CCSER1: variants seen among roughly 807,000 people sequenced by gnomAD.
CCSER1 encodes serine-rich coiled-coil domain-containing protein 1.
A neutral mutation model predicts 82.0 loss-of-function variants in CCSER1; 41 were observed. The observed-to-expected ratio is 0.50, with a 90% confidence interval of 0.39 to 0.65. CCSER1 has a LOEUF of 0.65. Among genes scored for constraint, CCSER1 ranks in the 30% least tolerant of loss-of-function variants. CCSER1 has a pLI of 0.00. For synonymous variants in CCSER1, 414 were observed against 383.9 expected (o/e 1.08, Z -0.92); for missense variants, 1,119 against 1,064.2 (o/e 1.05, Z -0.72).
intron 4 of CCSER1, among the ~76,000 whole-genome samples, chr4:90,440,494 A>T (rs1334475963): frequency 2.0e-5 from 3 of 152,248 alleles, no homozygotes; most frequent in Admixed American, 6.5e-5. Flanking sequence ...GGAGGATTAC[A>T]TAATTGTTTT....
chr4:90,993,462 A>ATT (rs150700987), intron 9 of CCSER1, among the ~76,000 whole-genome samples: 10,724 of 148,906 alleles, frequency 0.072, 530 homozygotes, highest in East Asian at 0.19. Context: ...TTATTTCCTT[A>ATT]TTTTTTTTTT....
chr4:91,534,952 A>G (rs1388111165), intron 10 of CCSER1, among the ~76,000 whole-genome samples: 1 of 151,594 alleles, frequency 6.6e-6, no homozygotes, highest in Non-Finnish European at 1.5e-5. Flanking sequence ...CTTAAATCAC[A>G]TTTTCTTCAG....
At chr4:90,974,585 AC>A (rs1419009577) in intron 9 of CCSER1, among the ~76,000 whole-genome samples, 1 of 151,474 alleles carries the variant, frequency 6.6e-6, no homozygotes, top group Non-Finnish European at 1.5e-5. Flanking sequence ...TAAATAAGAT[AC>A]ACAAATTGCC....
intron 10 of CCSER1, among the ~76,000 whole-genome samples, chr4:91,216,223 G>T (rs981333980): frequency 6.6e-6 from 1 of 152,202 alleles, no homozygotes. Context: ...GCCTCTGGGA[G>T]CTGGCTCTCT....
chr4:90,355,251 A>G (rs1744182703), intron 3 of CCSER1, among the ~76,000 whole-genome samples: 1 of 151,996 alleles, frequency 6.6e-6, no homozygotes, highest in African/African-American at 2.4e-5. Flanking sequence ...AAATAGATAC[A>G]TTTCCCAGAA....
intron 1 of CCSER1, among the ~76,000 whole-genome samples, chr4:90,226,002 T>C (rs1398021392): frequency 5.3e-5 from 8 of 152,250 alleles, no homozygotes; most frequent in Admixed American, 5.2e-4. Context: ...ACTTTCACTC[T>C]CTTGGACCCC....
chr4:90,699,982 T>A (rs986148989), intron 6 of CCSER1, among the ~76,000 whole-genome samples: 17 of 151,720 alleles, frequency 1.1e-4, no homozygotes, highest in Non-Finnish European at 2.5e-4. Flanking sequence ...TGCTTATGTC[T>A]CAATCTTTTT....
At chr4:90,710,373 C>T (rs1740333465) in intron 6 of CCSER1, among the ~76,000 whole-genome samples, 1 of 151,994 alleles carries the variant, frequency 6.6e-6, no homozygotes, top group African/African-American at 2.4e-5. Flanking sequence ...GCTGAAATTG[C>T]TTTTGGTATT....
intron 10 of CCSER1, among the ~76,000 whole-genome samples, chr4:91,503,780 A>G (rs1176182960): frequency 2.6e-5 from 4 of 152,202 alleles, no homozygotes; most frequent in Non-Finnish European, 1.5e-5. Flanking sequence ...TATCCAGATG[A>G]CTTAAAAGTC....
intron 9 of CCSER1, among the ~76,000 whole-genome samples, chr4:90,988,823 A>G (rs1222525069): frequency 2.0e-5 from 3 of 151,866 alleles, no homozygotes; most frequent in African/African-American, 4.8e-5. Flanking sequence ...TAAGTAAACA[A>G]TGAGATTCTC....
chr4:90,306,247 A>C (rs533686959), intron 1 of CCSER1, among the ~76,000 whole-genome samples: 5 of 152,146 alleles, frequency 3.3e-5, no homozygotes, highest in African/African-American at 1.2e-4. Context: ...TCAGTTAGAC[A>C]GGAGAAATAA....
At chr4:90,176,837 TA>T (rs1161816467) in intron 1 of CCSER1, among the ~76,000 whole-genome samples, 1 of 152,086 alleles carries the variant, frequency 6.6e-6, no homozygotes, top group Non-Finnish European at 1.5e-5. Context: ...AAGAGTATAA[TA>T]AATCAATATG....
rs1442832021 is a variant in CCSER1, at chr4:90,331,507, A to G, written c.1509+18460A>G. On this transcript the variant is annotated intron_variant, in intron 3 of 10. Coordinates refer to ENST00000509176, the MANE Select transcript of CCSER1 (RefSeq NM_001145065.2). ...AGAAAGTCTTGAATCTGAAACATTTAGATTTCCTACCAGAGTCCTGAAATG... is the reference window on the plus strand; with the variant it reads ...AGAAAGTCTTGAATCTGAAACATTTGGATTTCCTACCAGAGTCCTGAAATG... 2.0e-5 allele frequency among the ~76,000 whole-genome samples: 3 copies of G among 152,218 alleles called. No homozygotes were observed. The East Asian group carries it at 5.8e-4, about 29-fold the overall frequency.
chr4:91,344,361 A>G (rs986241711), intron 10 of CCSER1, among the ~76,000 whole-genome samples: 11 of 152,204 alleles, frequency 7.2e-5, no homozygotes, highest in East Asian at 5.8e-4. Flanking sequence ...ATCAGCCCCA[A>G]TGGACTAAGA....
chr4:90,518,523 C>G (rs1166907214), intron 5 of CCSER1, among the ~76,000 whole-genome samples: 1 of 151,966 alleles, frequency 6.6e-6, no homozygotes, highest in Admixed American at 6.6e-5. Context: ...AAATAAGTGT[C>G]CATAATGATC....
chr4:90,225,386 TTC>T (rs1413074867), intron 1 of CCSER1, among the ~76,000 whole-genome samples: 1 of 152,010 alleles, frequency 6.6e-6, no homozygotes, highest in African/African-American at 2.4e-5. Flanking sequence ...TAAAGTGACT[TTC>T]TGTTACCTAT....
chr4:90,539,577 G>A (rs1775850076), intron 5 of CCSER1, among the ~76,000 whole-genome samples: 1 of 152,026 alleles, frequency 6.6e-6, no homozygotes, highest in Admixed American at 6.6e-5. Flanking sequence ...CTCTAATTGG[G>A]TAGGGATCTT....
intron 5 of CCSER1, among the ~76,000 whole-genome samples, chr4:90,561,460 T>C (rs1284865328): frequency 1.3e-5 from 2 of 152,184 alleles, no homozygotes; most frequent in Non-Finnish European, 2.9e-5. Flanking sequence ...GTCAAATAGC[T>C]CCCTCTTGAC....
At position 90,822,700 on chromosome 4, in the gene CCSER1, C is replaced by T. The variant is rs1434652601; in HGVS notation, c.2094+6855C>T. On this transcript the variant is annotated intron_variant, in intron 8 of 10. Coordinates refer to ENST00000509176, the MANE Select transcript of CCSER1 (RefSeq NM_001145065.2). The stretch of plus-strand genomic sequence containing the variant: ...CTGATAACGTGCCATTGCACTCCAG[C>T]CTGGGGGACAGAGTGAGACTCCATC... Among the ~76,000 whole-genome samples, 3 of 142,480 alleles carry T rather than the reference C, an allele frequency of 2.1e-5. No homozygotes were observed. In the East Asian group the frequency reaches 6.2e-4, roughly 30 times the overall value. 93.5% of individuals were successfully genotyped at this position (142,480 alleles called of 152,430 possible).
Sources: allele counts gnomAD v4.1 joint callset (sites outside exome capture counted in the v4.1 genomes callset), GRCh38; gene constraint gnomAD v4.1.1; transcripts MANE v1.5; gene names NCBI Gene and HGNC (gene_info 2026-07-23, HGNC 2026-07-21).